The following RNF220 variants were observed in gnomAD, a reference collection of about 807,000 sequenced individuals.
The protein encoded by RNF220 is ring finger protein 220, also known as E3 ubiquitin-protein ligase RNF220.
A neutral mutation model predicts 67.1 loss-of-function variants in RNF220; 7 were observed. The ratio of observed to expected loss-of-function variants is 0.10; its 90% confidence interval spans 0.06 to 0.20. The LOEUF is 0.20. Ranked by LOEUF, RNF220 falls within the 10% of genes least tolerant of loss-of-function variation. The pLI, the probability that RNF220 is intolerant of heterozygous loss-of-function variation, is 1.00. For synonymous variants in RNF220, 270 were observed against 283.2 expected (o/e 0.95, Z 0.47); for missense variants, 565 against 740.3 (o/e 0.76, Z 2.75).
chr1:44,507,226 C>T (rs1658513775), intron 2 of RNF220, among the ~76,000 whole-genome samples: 1 of 152,120 alleles, frequency 6.6e-6, no homozygotes, highest in African/African-American at 2.4e-5. Flanking sequence ...CTGCTTTGGC[C>T]CTTTCTCTTG....
In RNF220 at chr1:44,412,764, C is replaced by T; in HGVS notation, c.625+42C>T. On this transcript the variant is annotated intron_variant, in intron 2 of 14. Coordinates refer to ENST00000361799, the MANE Select transcript of RNF220 (RefSeq NM_018150.4). The surrounding 1 kb of genome is among the most constrained non-coding windows in gnomAD (Gnocchi z 5.3). ...CAGCCCTCCCTTACCCCCAGTAAGC[C>T]CTGCCTCACCGTGATGTTCAACAGG... 1.3e-6 allele frequency: 2 copies of T among 1,578,742 alleles called. No homozygotes were observed. The highest frequency in any genetic ancestry group is 1.7e-6 in the Non-Finnish European group (2 of 1,161,164).
rs972017446 is a variant in RNF220, at chr1:44,614,025, C to T, written c.626-140C>T. 5 of 1,065,828 alleles carry T rather than the reference C, an allele frequency of 4.7e-6. No individual in the cohort carries two copies. The African/African-American group carries it at 8.0e-5, about 17-fold the overall frequency. The allele number at this position is 1,065,828 out of a possible 1,614,324, so 66.0% of individuals were successfully genotyped here. A position where few individuals can be genotyped will look rare whatever the true frequency, so the allele number is the denominator to read the frequency against. Reference sequence around the variant, plus strand: ...TGCAAGGAGGAGGGGTGCTCGTGGGCTCTGAAACCCTCAGGCCCCTCCTCT... The same window carrying T: ...TGCAAGGAGGAGGGGTGCTCGTGGGTTCTGAAACCCTCAGGCCCCTCCTCT... On this transcript the variant is annotated intron_variant, in intron 2 of 14. Coordinates refer to ENST00000361799, the MANE Select transcript of RNF220 (RefSeq NM_018150.4).
intron 2 of RNF220, among the ~76,000 whole-genome samples, chr1:44,580,038 A>T (rs2148341475): frequency 8.4e-6 from 1 of 119,246 alleles, no homozygotes; most frequent in Admixed American, 8.7e-5. Flanking sequence ...CACAAAAAAA[A>T]AAAAAAAAAA....
At chr1:44,583,484 A>G (rs571376844) in intron 2 of RNF220, among the ~76,000 whole-genome samples, 1 of 152,358 alleles carries the variant, frequency 6.6e-6, no homozygotes, top group South Asian at 2.1e-4. Flanking sequence ...AGCATGTCCC[A>G]GCTTTTCTAA....
Position 44,635,507 on chromosome 1 carries a change from T to C in RNF220, c.950-38T>C. ...GACCCTGGGGGCTGCAGTGACCGTC[T>C]GCTTGTTCTGTGCTTTGTTTTCGGT... On this transcript the variant is annotated intron_variant, in intron 6 of 14. Coordinates refer to ENST00000361799, the MANE Select transcript of RNF220 (RefSeq NM_018150.4). 2.5e-6 allele frequency: 4 copies of C among 1,607,198 alleles called. No individual in the cohort carries two copies. The South Asian group carries it at 3.3e-5, about 13-fold the overall frequency.
intron 2 of RNF220, among the ~76,000 whole-genome samples, chr1:44,550,758 A>T (rs1251113124): frequency 6.6e-6 from 1 of 152,160 alleles, no homozygotes; most frequent in African/African-American, 2.4e-5. Flanking sequence ...CAGCCCGTTT[A>T]GTTCTGAGTG....
intron 2 of RNF220, among the ~76,000 whole-genome samples, chr1:44,575,574 G>C (rs1041093334): frequency 6.6e-6 from 1 of 152,158 alleles, no homozygotes; most frequent in African/African-American, 2.4e-5. Context: ...AATCACCAGG[G>C]AAATGCAAAC....
At chr1:44,489,501 A>AG (rs1188128520) in intron 2 of RNF220, among the ~76,000 whole-genome samples, 5 of 152,226 alleles carry the variant, frequency 3.3e-5, no homozygotes, top group African/African-American at 1.2e-4. Context: ...TCATGTATTT[A>AG]GTGAATACAC....
In RNF220 at chr1:44,649,963, G is replaced by A. The variant is rs773263485; in HGVS notation, c.1629+6G>A. 1.2e-5 allele frequency: 20 copies of A among 1,613,204 alleles called. No homozygotes were observed. The highest frequency in any genetic ancestry group is 1.6e-5 in the Non-Finnish European group (19 of 1,179,854). On this transcript the variant is annotated splice_donor_region_variant and intron_variant, in intron 14 of 14. Transcript: ENST00000361799. The surrounding 1 kb of genome is among the most constrained non-coding windows in gnomAD (Gnocchi z 5.9). Reference sequence around the variant, plus strand: ...AGTGCTGGCTGCGGACCCTGGTGAGGTGGCATGGGGGTCGGGGAATGGGAG... The same window carrying A: ...AGTGCTGGCTGCGGACCCTGGTGAGATGGCATGGGGGTCGGGGAATGGGAG...
At chr1:44,550,618 C>T (rs1572853902) in intron 2 of RNF220, among the ~76,000 whole-genome samples, 1 of 152,260 alleles carries the variant, frequency 6.6e-6, no homozygotes, top group Admixed American at 6.5e-5. Flanking sequence ...GAGTAGGAAC[C>T]TCTCTACAAT....
intron 1 of RNF220, among the ~76,000 whole-genome samples, chr1:44,408,245 C>G (rs1002519942): frequency 1.3e-5 from 2 of 152,166 alleles, no homozygotes; most frequent in Non-Finnish European, 1.5e-5. Flanking sequence ...CAGTATCCCG[C>G]GACCCCGCAC....
At chr1:44,591,427 C>A (rs188471796) in intron 2 of RNF220, among the ~76,000 whole-genome samples, 1 of 152,230 alleles carries the variant, frequency 6.6e-6, no homozygotes, top group South Asian at 2.1e-4. Flanking sequence ...GTCCCAGAGC[C>A]ATTATGCACT....
In RNF220 at chr1:44,607,780, C is replaced by T. The variant is rs763333312; in HGVS notation, c.626-6385C>T. 4.6e-5 allele frequency among the ~76,000 whole-genome samples: 7 copies of T among 152,290 alleles called. No individual in the cohort carries two copies. The East Asian group carries it at 5.8e-4, about 13-fold the overall frequency. On this transcript the variant is annotated intron_variant, in intron 2 of 14. Coordinates refer to ENST00000361799, the MANE Select transcript of RNF220 (RefSeq NM_018150.4). ...CTGGGATTACAGGCATAAGCCACCA[C>T]GCCCGGCCAAATGTGCTGTTTTCTA...
intron 2 of RNF220, among the ~76,000 whole-genome samples, chr1:44,461,416 C>T (rs1314861761): frequency 2.6e-5 from 4 of 152,090 alleles, no homozygotes; most frequent in Non-Finnish European, 4.4e-5. Flanking sequence ...TCTTGTTTTC[C>T]GTCTGAGTTC....
At chr1:44,615,727 A>T (rs1015887606) in intron 3 of RNF220, among the ~76,000 whole-genome samples, 1 of 152,218 alleles carries the variant, frequency 6.6e-6, no homozygotes, top group African/African-American at 2.4e-5. Flanking sequence ...GCACAGAGCA[A>T]AGAAGGCTTC....
In RNF220 at chr1:44,604,164, CA is replaced by C. The variant is rs1178729350; in HGVS notation, c.626-9994del. Among the ~76,000 whole-genome samples the C allele has an allele frequency of 2.6e-5, 4 of 152,212 alleles. No homozygotes were observed. In the East Asian group the frequency reaches 7.7e-4, roughly 29 times the overall value. On this transcript the variant is annotated intron_variant, in intron 2 of 14. Transcript: ENST00000361799. Reference sequence around the variant, plus strand: ...AGGTGCTCAGGTGTTTGTCTAAATGCAAAAAAATACCCACACCGTGTGAGCA... The same window carrying C: ...AGGTGCTCAGGTGTTTGTCTAAATGCAAAAAATACCCACACCGTGTGAGCA...
chr1:44,546,134 A>G (rs1040054399), intron 2 of RNF220, among the ~76,000 whole-genome samples: 4 of 152,110 alleles, frequency 2.6e-5, no homozygotes, highest in African/African-American at 9.7e-5. Context: ...AGCACCCGAG[A>G]TGACTCACAC....
chr1:44,476,890 G>C (rs1309431755), intron 2 of RNF220, among the ~76,000 whole-genome samples: 1 of 152,180 alleles, frequency 6.6e-6, no homozygotes, highest in African/African-American at 2.4e-5. Context: ...GGCCTGAGCT[G>C]CATCTTTGAC....
rs943278974 is a variant in RNF220, at chr1:44,645,784, G to A, written c.1445+296G>A. On this transcript the variant is annotated intron_variant, in intron 12 of 14. Transcript: ENST00000361799. This position sits in a 1 kb window ranked among gnomAD's most constrained non-coding sequence, Gnocchi z 5.0. Reference sequence around the variant, plus strand: ...CGCCCGGGGAATGTGATGTATGGCCGCCCAGCCCAGCCGGCACACTTGATT... The same window carrying A: ...CGCCCGGGGAATGTGATGTATGGCCACCCAGCCCAGCCGGCACACTTGATT... Among the ~76,000 whole-genome samples the A allele has an allele frequency of 1.3e-5, 2 of 152,348 alleles. No homozygotes were observed. The highest frequency in any genetic ancestry group is 2.1e-4 in the South Asian group (1 of 4,834).
Sources: allele counts gnomAD v4.1 joint callset (sites outside exome capture counted in the v4.1 genomes callset), GRCh38; gene constraint gnomAD v4.1.1; non-coding constraint Gnocchi (gnomAD v3.1); transcripts MANE v1.5; gene names NCBI Gene and HGNC (gene_info 2026-07-23, HGNC 2026-07-21).